NCKAP5L: variants seen among roughly 807,000 people sequenced by gnomAD.
NCKAP5L encodes nck-associated protein 5-like.
A neutral mutation model predicts 103.2 loss-of-function variants in NCKAP5L; 54 were observed. The ratio of observed to expected loss-of-function variants is 0.52; its 90% CI spans 0.42 to 0.66. NCKAP5L has a LOEUF of 0.66. Among genes scored for constraint, NCKAP5L ranks in the 30% least tolerant of loss-of-function variants. The pLI is 0.00. For synonymous variants in NCKAP5L, 762 were observed against 748.6 expected, an observed-to-expected ratio of 1.02 and a Z score of -0.29; for missense variants, 1,733 against 1,750.6, an observed-to-expected ratio of 0.99 and a Z score of 0.18.
chr12:49,805,016 A>G (rs1252372190), intron 2 of NCKAP5L: 1 of 152,240 alleles, frequency 6.6e-6, no homozygotes, highest in Non-Finnish European at 1.5e-5. Flanking sequence ...CAGCCTCACT[A>G]GGCACCCACT....
In NCKAP5L at chr12:49,793,742, G is replaced by A. The variant is rs756074202; in HGVS notation, c.3250C>T (p.Pro1084Ser). ...VGPLQGCGKPPGKPSSEPGRR... is the reference protein window; with the variant it reads ...VGPLQGCGKPSGKPSSEPGRR... ...CTACCCCAAGAACTTACCTTTCCAG[G>A]AGGTTTTCCGCAGCCCTGAAGAGGG... Residue 1084 changes from proline (P) to serine (S), a missense_variant, in exon 9 of 13, where the codon CCT becomes TCT. By Grantham distance (74) the Pro-to-Ser change is moderately conservative. Coordinates refer to ENST00000335999, the MANE Select transcript of NCKAP5L (RefSeq NM_001037806.4). 1 of 1,556,416 alleles carries A rather than the reference G, an allele frequency of 6.4e-7. No individual in the cohort carries two copies.
Position 49,796,397 on chromosome 12 carries a change from C to CA in NCKAP5L, c.1462dup (p.Cys488LeufsTer70). On this transcript the variant is annotated frameshift_variant, in exon 8 of 13. Transcript: ENST00000335999. LOFTEE classifies it high-confidence loss of function. ...GCTGCCGTCTGAGCCACTGTTCCGA[C>CA]AGGGGATTCGCGAGTTCCGGGGGAG... 1 of 1,579,642 alleles carries CA rather than the reference C, an allele frequency of 6.3e-7. No homozygotes were observed. Among genetic ancestry groups the CA allele is most frequent in the South Asian group, 1.2e-5 (1 of 85,506 alleles).
chr12:49,807,743 C>CTGT (rs991339723), intron 1 of NCKAP5L, among the ~76,000 whole-genome samples: 2 of 152,210 alleles, frequency 1.3e-5, no homozygotes, highest in African/African-American at 4.8e-5. Flanking sequence ...CACCCTCACC[C>CTGT]ACAACTCTGG....
At chr12:49,794,616 A>T in intron 8 of NCKAP5L, 149 bp downstream of exon 8, 1 of 447,812 alleles carries the variant, frequency 2.2e-6, no homozygotes, top group Non-Finnish European at 3.3e-6. Flanking sequence ...CCCCCCCACC[A>T]GCTGCTTTGG....
At chr12:49,808,649 G>A (rs974454340) in intron 1 of NCKAP5L, among the ~76,000 whole-genome samples, 1 of 152,174 alleles carries the variant, frequency 6.6e-6, no homozygotes, top group East Asian at 1.9e-4. Flanking sequence ...TGCCTCTCAT[G>A]GGGGATGCCT....
At chr12:49,804,992 C>G (rs1946164011) in intron 2 of NCKAP5L, 1 of 152,314 alleles carries the variant, frequency 6.6e-6, no homozygotes, top group Admixed American at 6.5e-5. Flanking sequence ...CTCCGGGGCT[C>G]TGCTTTCTAG....
At chr12:49,798,585 C>A in intron 6 of NCKAP5L, 122 bp from the exon 7 acceptor site, 1 of 800,400 alleles carries the variant, frequency 1.2e-6, no homozygotes. Flanking sequence ...ACTCCCAGCC[C>A]CAAATGCAGC....
Position 49,792,205 on chromosome 12 carries a change from G to T in NCKAP5L, c.3793-154C>A. ...TATACTTCAGAGGAAACAGGCTGGA[G>T]GTACAACTGAGAACAGTCCTACAAG... On this transcript the variant is annotated intron_variant, in intron 12 of 12. Transcript: ENST00000335999. The surrounding 1 kb of genome is among the most constrained non-coding windows in gnomAD (Gnocchi z 4.5). 1 of 1,044,452 alleles carries T rather than the reference G, an allele frequency of 9.6e-7. No homozygotes were observed. The highest frequency in any genetic ancestry group is 1.4e-6 in the Non-Finnish European group (1 of 707,600). The allele number at this position is 1,044,452 out of a possible 1,614,324, so 64.7% of individuals were successfully genotyped here. A position where few individuals can be genotyped will look rare whatever the true frequency, so the allele number is the denominator to read the frequency against.
intron 6 of NCKAP5L, among the ~76,000 whole-genome samples, chr12:49,799,851 GC>G (rs1350027732): frequency 6.6e-6 from 1 of 152,154 alleles, no homozygotes; most frequent in Non-Finnish European, 1.5e-5. Flanking sequence ...CTTTGCTCAT[GC>G]TGTTCTTTCC....
chr12:49,795,601 G>A lies in NCKAP5L; in HGVS notation c.2259C>T (p.Ser753=). 6.3e-7 allele frequency: 1 copy of A among 1,587,626 alleles called. No homozygotes were observed. Among genetic ancestry groups the A allele is most frequent in the African/African-American group, 1.3e-5 (1 of 74,320 alleles). Reference sequence around the variant, plus strand: ...CCACCCGGGCCCCCATGGAGTGAGAGGAGTAGACTCGGGCCCCGGGATCCC... The same window carrying A: ...CCACCCGGGCCCCCATGGAGTGAGAAGAGTAGACTCGGGCCCCGGGATCCC... The part of the protein sequence containing the change: ...LMGDPGARVY[S]SHSMGARVDL... Residue 753 remains serine, a synonymous_variant, in exon 8 of 13, where the codon TCC becomes TCT. Transcript: ENST00000335999.
At chr12:49,794,737 C>A (rs1167788886) in intron 8 of NCKAP5L, 28 bp downstream of exon 8, 2 of 1,437,180 alleles carry the variant, frequency 1.4e-6, no homozygotes, top group Non-Finnish European at 1.8e-6. Flanking sequence ...GCCCACCAAG[C>A]CCCTGTTGAC....
chr12:49,798,303 C>T (rs1565589059), intron 7 of NCKAP5L, 47 bp downstream of exon 7: 1 of 1,465,650 alleles, frequency 6.8e-7, no homozygotes, highest in East Asian at 2.5e-5. Flanking sequence ...CAGATATTTG[C>T]TAGGAAACAT....
intron 1 of NCKAP5L, among the ~76,000 whole-genome samples, chr12:49,820,245 C>A (rs59815766): frequency 0.035 from 5,316 of 151,132 alleles, 139 homozygotes; most frequent in African/African-American, 0.072. Flanking sequence ...TGCACCTGCA[C>A]GGGGAGGAGT....
At position 49,792,194 on chromosome 12, in the gene NCKAP5L, A is replaced by G; in HGVS notation, c.3793-143T>C. 9.6e-7 allele frequency: 1 copy of G among 1,041,570 alleles called. No individual in the cohort carries two copies. Among genetic ancestry groups the G allele is most frequent in the Non-Finnish European group, 1.4e-6 (1 of 709,242 alleles). 64.5% of individuals were successfully genotyped at this position (1,041,570 alleles called of 1,614,324 possible). A position where few individuals can be genotyped will look rare whatever the true frequency, so the allele number is the denominator to read the frequency against. ...CCAAGGTGGGGTATACTTCAGAGGAAACAGGCTGGAGGTACAACTGAGAAC... is the reference window on the plus strand; with the variant it reads ...CCAAGGTGGGGTATACTTCAGAGGAGACAGGCTGGAGGTACAACTGAGAAC... On this transcript the variant is annotated intron_variant, in intron 12 of 12. Coordinates refer to ENST00000335999, the MANE Select transcript of NCKAP5L (RefSeq NM_001037806.4). This position sits in a 1 kb window ranked among gnomAD's most constrained non-coding sequence, Gnocchi z 4.5.
In NCKAP5L at chr12:49,796,421, A is replaced by G; in HGVS notation, c.1439T>C (p.Leu480Pro). ...SPGGPQLSPQ[L>P]PRNSRIPCRN... ...ACAGGGGATTCGCGAGTTCCGGGGG[A>G]GCTGGGGACTGAGCTGCGGGCCTCC... Residue 480 changes from leucine to proline, a missense_variant, in exon 8 of 13, where the codon CTC (leucine) becomes CCC (proline). By Grantham distance (98) the Leu-to-Pro change is moderately conservative (BLOSUM62 -3). Coordinates refer to ENST00000335999, the MANE Select transcript of NCKAP5L (RefSeq NM_001037806.4). 1 of 1,561,918 alleles carries G rather than the reference A, an allele frequency of 6.4e-7. No individual in the cohort carries two copies. Among genetic ancestry groups the G allele is most frequent in the Non-Finnish European group, 8.6e-7 (1 of 1,156,598 alleles).
chr12:49,809,676 C>T (rs975398544), intron 1 of NCKAP5L, among the ~76,000 whole-genome samples: 3 of 152,194 alleles, frequency 2.0e-5, no homozygotes, highest in Non-Finnish European at 4.4e-5. Flanking sequence ...AGCAAACACC[C>T]TTTCCAGCCA....
intron 1 of NCKAP5L, among the ~76,000 whole-genome samples, chr12:49,814,773 T>G (rs908131290): frequency 6.6e-6 from 1 of 152,222 alleles, no homozygotes; most frequent in African/African-American, 2.4e-5. Context: ...ATCTTATCCG[T>G]TTTTCTATCA....
At chr12:49,825,452 A>T (rs754054039) in intron 1 of NCKAP5L, among the ~76,000 whole-genome samples, 4 of 151,772 alleles carry the variant, frequency 2.6e-5, no homozygotes. Flanking sequence ...GGGGTCAGGG[A>T]CCCCACTTCG....
In NCKAP5L at chr12:49,804,097, G is replaced by A. The variant is rs7953534; in HGVS notation, c.-36-17C>T. 0.31 allele frequency: 493,970 copies of A among 1,596,058 alleles called. 79,897 individuals are homozygous for A. Among genetic ancestry groups the A allele is most frequent in the South Asian group, 0.39 (35,710 of 90,746 alleles). On this transcript the variant is annotated splice_polypyrimidine_tract_variant and intron_variant, in intron 2 of 12. Transcript: ENST00000335999. ...CCCGGCAGGCTACTCCAGGGAATGA[G>A]GAGGAAGTGAGAAGGAGGAGGACAA...
Sources: allele counts gnomAD v4.1 joint callset (sites outside exome capture counted in the v4.1 genomes callset), GRCh38; gene constraint gnomAD v4.1.1; non-coding constraint Gnocchi (gnomAD v3.1); transcripts MANE v1.5; gene names NCBI Gene and HGNC (gene_info 2026-07-23, HGNC 2026-07-21).